Variants in WDPCP observed in about 807,000 individuals in gnomAD.
The protein encoded by WDPCP is WD repeat containing planar cell polarity effector.
WDPCP carries 71 observed loss-of-function variants against 93.1 expected under a neutral mutation model. That is an observed-to-expected ratio of 0.76 (90% CI 0.63 to 0.93). The LOEUF is 0.93. Among genes scored for constraint, WDPCP ranks in the 40% least tolerant of loss-of-function variants. The probability of loss-of-function intolerance (pLI) is 0.00; values close to 1 mark genes in which losing one functional copy is unlikely to be tolerated. For synonymous variants in WDPCP, 315 were observed against 315.0 expected (o/e 1.00, Z 0.00); for missense variants, 844 against 887.4 (o/e 0.95, Z 0.62).
chr2:63,589,362 C>T, upstream of WDPCP: 1 of 1,550,578 alleles, frequency 6.4e-7, no homozygotes, highest in Non-Finnish European at 8.7e-7. Flanking sequence ...AAGGACGTTA[C>T]GGTGTTTGAT....
chr2:63,611,433 A>G (rs1575729482), intron 3 of WDPCP, among the ~76,000 whole-genome samples: 1 of 151,424 alleles, frequency 6.6e-6, no homozygotes, highest in African/African-American at 2.4e-5. Flanking sequence ...GTCCTTTCTA[A>G]CCCCCCACTT....
At chr2:63,326,192 T>C (rs1009355972) in intron 12 of WDPCP, among the ~76,000 whole-genome samples, 1 of 152,170 alleles carries the variant, frequency 6.6e-6, no homozygotes, top group Admixed American at 6.5e-5. Flanking sequence ...TTCAAATACA[T>C]AAGTTCGTGG....
intron 2 of WDPCP, among the ~76,000 whole-genome samples, chr2:63,680,638 T>C (rs1466366076): frequency 6.6e-6 from 1 of 152,124 alleles, no homozygotes; most frequent in Non-Finnish European, 1.5e-5. Context: ...AGGACTGCAA[T>C]TCCTAGTGCT....
chr2:63,466,956 C>G (rs1699380590), intron 6 of WDPCP, among the ~76,000 whole-genome samples: 1 of 152,044 alleles, frequency 6.6e-6, no homozygotes, highest in South Asian at 2.1e-4. Flanking sequence ...AAAGAAATAA[C>G]CATTTATGAA....
At chr2:63,819,496 C>T (rs1334549255) in intron 1 of WDPCP, among the ~76,000 whole-genome samples, 1 of 152,162 alleles carries the variant, frequency 6.6e-6, no homozygotes, top group Non-Finnish European at 1.5e-5. Flanking sequence ...CCCAGTGGTT[C>T]TCAAACATGA....
At chr2:63,189,248 C>G (rs188444268) in intron 14 of WDPCP, among the ~76,000 whole-genome samples, 1 of 152,256 alleles carries the variant, frequency 6.6e-6, no homozygotes, top group Admixed American at 6.5e-5. Context: ...CTCATCAGTT[C>G]CCTGAGCAAA....
intron 1 of WDPCP, among the ~76,000 whole-genome samples, chr2:63,495,176 T>G (rs2105968198): frequency 6.6e-6 from 1 of 152,198 alleles, no homozygotes; most frequent in Non-Finnish European, 1.5e-5. Context: ...AGGTATGAAG[T>G]TGGAAAGCTA....
chr2:63,255,378 T>C (rs1574991348), intron 14 of WDPCP, among the ~76,000 whole-genome samples: 1 of 152,160 alleles, frequency 6.6e-6, no homozygotes, highest in Admixed American at 6.5e-5. Context: ...CCCCTCCAAC[T>C]CTCATATTGA....
At chr2:63,635,723 T>C (rs1709914196) in intron 3 of WDPCP, among the ~76,000 whole-genome samples, 1 of 152,226 alleles carries the variant, frequency 6.6e-6, no homozygotes, top group Admixed American at 6.5e-5. Context: ...ATAAAGGCCG[T>C]ATATGACAAG....
intron 6 of WDPCP, among the ~76,000 whole-genome samples, chr2:63,463,909 T>C (rs1242701137): frequency 6.6e-6 from 1 of 152,130 alleles, no homozygotes; most frequent in Non-Finnish European, 1.5e-5. Flanking sequence ...ACCCAATCTA[T>C]AAAACTTCCA....
At chr2:63,717,329 A>C (rs1669353261) in intron 2 of WDPCP, 2 of 512,694 alleles carry the variant, frequency 3.9e-6, no homozygotes, top group Admixed American at 4.3e-5. Context: ...AACATGAAAA[A>C]TGATGGCACA....
chr2:63,468,046 C>T (rs1416393769), intron 6 of WDPCP, among the ~76,000 whole-genome samples: 1 of 152,162 alleles, frequency 6.6e-6, no homozygotes, highest in Admixed American at 6.5e-5. Flanking sequence ...AACGACTGAG[C>T]ATCACTGGGT....
chr2:63,328,130 A>G (rs902635320), intron 12 of WDPCP, among the ~76,000 whole-genome samples: 10 of 152,118 alleles, frequency 6.6e-5, no homozygotes, highest in African/African-American at 2.4e-4. Flanking sequence ...AGGATTGTAA[A>G]TGCACCAACC....
At chr2:63,580,774 T>C (rs1201866336) in intron 1 of WDPCP, among the ~76,000 whole-genome samples, 1 of 152,216 alleles carries the variant, frequency 6.6e-6, no homozygotes, top group Non-Finnish European at 1.5e-5. Flanking sequence ...GAGAGTATAT[T>C]AGATACTTGT....
chr2:63,283,790 A>C (rs949421099), intron 13 of WDPCP, among the ~76,000 whole-genome samples: 1 of 152,204 alleles, frequency 6.6e-6, no homozygotes, highest in African/African-American at 2.4e-5. Flanking sequence ...ACTGGCACTA[A>C]GGTTCTAAAC....
chr2:63,230,915 T>C (rs1678813193), intron 14 of WDPCP, among the ~76,000 whole-genome samples: 1 of 152,190 alleles, frequency 6.6e-6, no homozygotes, highest in Non-Finnish European at 1.5e-5. Flanking sequence ...TTTCTTTCAC[T>C]GTGCAGAAGC....
At chr2:63,776,434 T>A (rs1270204675) in intron 2 of WDPCP, among the ~76,000 whole-genome samples, 1 of 151,918 alleles carries the variant, frequency 6.6e-6, no homozygotes. Context: ...GTAGGCAGGT[T>A]GTTTGAGCCC....
At chr2:63,174,891 T>C in intron 14 of WDPCP, 59 bp from the exon 15 acceptor site, 1 of 1,559,262 alleles carries the variant, frequency 6.4e-7, no homozygotes, top group Non-Finnish European at 8.8e-7. Flanking sequence ...CTAACTCCCT[T>C]ATAAGTAAGA....
intron 2 of WDPCP, among the ~76,000 whole-genome samples, chr2:63,773,251 T>C (rs888732557): frequency 3.9e-5 from 6 of 152,048 alleles, no homozygotes; most frequent in Non-Finnish European, 8.8e-5. Flanking sequence ...GTATACTATA[T>C]AGCAACAAAA....
Sources: gnomAD v4.1 joint callset for allele counts (sites outside exome capture counted in the v4.1 genomes callset) on GRCh38, gnomAD v4.1.1 for gene constraint, MANE v1.5 for transcripts, NCBI Gene and HGNC (gene_info 2026-07-23, HGNC 2026-07-21) for gene names.